Variants in MAP7 observed in about 807,000 individuals in gnomAD.
The protein encoded by MAP7 is ensconsin.
In MAP7, 52 loss-of-function variants were observed where a neutral mutation model predicts 94.8. The ratio of observed to expected loss-of-function variants is 0.55; its 90% CI spans 0.44 to 0.69. The LOEUF (loss-of-function observed/expected upper bound fraction) is 0.69. Among genes scored for constraint, MAP7 ranks in the 30% least tolerant of loss-of-function variants. MAP7 has a pLI of 0.00. For missense variants in MAP7, 940 were observed against 964.6 expected (o/e 0.97, Z 0.34); for synonymous variants, 350 against 357.0 (o/e 0.98, Z 0.22).
At chr6:136,534,563 C>T (rs1345012300) in intron 1 of MAP7, among the ~76,000 whole-genome samples, 1 of 152,212 alleles carries the variant, frequency 6.6e-6, no homozygotes. Context: ...CGAACGAAAG[C>T]ATGCCATTCA....
In MAP7 at chr6:136,365,753, C is replaced by A; in HGVS notation, c.1255G>T (p.Glu419Ter). ...EATVEERTPA[E>*]PEVGPAAPAM... ...CTCTTACCAGGGCCAACTTCTGGTT[C>A]AGCAGGTGTCCGCTCTTCAACTGTG... The change falls in exon 10 of 18, where the codon GAA becomes TAA. Residue 419 changes from glutamate to a stop codon, truncating the protein, a stop_gained. Coordinates refer to ENST00000354570, the MANE Select transcript of MAP7 (RefSeq NM_003980.6). LOFTEE classifies it high-confidence loss of function. 1 of 1,613,810 alleles carries A rather than the reference C, an allele frequency of 6.2e-7. No individual in the cohort carries two copies. The highest frequency in any genetic ancestry group is 8.5e-7 in the Non-Finnish European group (1 of 1,179,880).
intron 2 of MAP7, among the ~76,000 whole-genome samples, chr6:136,411,998 T>C (rs1787632736): frequency 6.6e-6 from 1 of 152,196 alleles, no homozygotes; most frequent in South Asian, 2.1e-4. Context: ...CTACCAAACT[T>C]CTATTATTTT....
intron 1 of MAP7, among the ~76,000 whole-genome samples, chr6:136,508,984 T>C (rs1357484984): frequency 6.6e-6 from 1 of 152,244 alleles, no homozygotes; most frequent in Non-Finnish European, 1.5e-5. Context: ...ACACATCACC[T>C]GAAATAGTAA....
intron 3 of MAP7, among the ~76,000 whole-genome samples, chr6:136,410,548 A>C (rs1027656293): frequency 6.6e-6 from 1 of 152,246 alleles, no homozygotes; most frequent in Non-Finnish European, 1.5e-5. Context: ...TAGGCACAGA[A>C]AAACAGCAGA....
chr6:136,516,734 T>C (rs1389890150), intron 1 of MAP7, among the ~76,000 whole-genome samples: 3 of 152,100 alleles, frequency 2.0e-5, no homozygotes, highest in South Asian at 4.1e-4. Flanking sequence ...ACAAGAAGTA[T>C]TGAAAGAAAA....
intron 1 of MAP7, among the ~76,000 whole-genome samples, chr6:136,432,979 A>G (rs541054196): frequency 6.6e-6 from 1 of 152,218 alleles, no homozygotes; most frequent in Admixed American, 6.5e-5. Flanking sequence ...GCCTCAAGTA[A>G]TCCTCCCACC....
intron 2 of MAP7, among the ~76,000 whole-genome samples, chr6:136,416,420 G>T (rs190376879): frequency 3.5e-4 from 54 of 152,252 alleles, no homozygotes; most frequent in African/African-American, 1.3e-3. Context: ...AGTAAATAGT[G>T]AATTTCCTAT....
intron 1 of MAP7, among the ~76,000 whole-genome samples, chr6:136,543,880 A>T (rs556789384): frequency 2.5e-4 from 38 of 152,238 alleles, no homozygotes; most frequent in Non-Finnish European, 5.1e-4. Context: ...AGTCAACAAA[A>T]CTAAAAAAAG....
intron 12 of MAP7, 61 bp from the exon 13 acceptor site, chr6:136,360,859 G>A: frequency 6.3e-7 from 1 of 1,590,224 alleles, no homozygotes; most frequent in South Asian, 1.1e-5. Flanking sequence ...GGTCTCCCAG[G>A]GGGTGCCCAG....
rs145438334 is a variant in MAP7, at chr6:136,525,249, A to G, written c.67+25093T>C. Among the ~76,000 whole-genome samples the G allele has an allele frequency of 4.4e-4, 67 of 152,332 alleles. 1 individual carries two copies. The East Asian group carries it at 0.013, about 29-fold the overall frequency. Reference sequence around the variant, plus strand: ...ACGAATTCAGTTATCATCAACAGTTATACAACCTCATGATCTCCTCCCTGC... The same window carrying G: ...ACGAATTCAGTTATCATCAACAGTTGTACAACCTCATGATCTCCTCCCTGC... On this transcript the variant is annotated intron_variant, in intron 1 of 17. Coordinates refer to ENST00000354570, the MANE Select transcript of MAP7 (RefSeq NM_003980.6).
intron 1 of MAP7, among the ~76,000 whole-genome samples, chr6:136,443,792 A>G (rs1027885201): frequency 6.6e-6 from 1 of 152,062 alleles, no homozygotes; most frequent in African/African-American, 2.4e-5. Context: ...CATCCTGAAC[A>G]TTATGTGGCT....
Position 136,362,641 on chromosome 6 carries a change from T to C in MAP7, c.1335A>G (p.Pro445=). Residue 445 remains proline (P), a synonymous_variant, in exon 11 of 18, where the codon CCA becomes CCG. Coordinates refer to ENST00000354570, the MANE Select transcript of MAP7 (RefSeq NM_003980.6). Reference sequence around the variant, plus strand: ...CCATGGCTGGGGTGGGGACCGGGGCTGGAGCTGGGGCCGAGGCTGGAGCTG... The same window carrying C: ...CCATGGCTGGGGTGGGGACCGGGGCCGGAGCTGGGGCCGAGGCTGGAGCTG... ...SAPAPASAPA[P]APVPTPAMVS... is the part of the protein sequence containing the mutation. The C allele has an allele frequency of 6.2e-7, 1 of 1,608,484 alleles. No homozygotes were observed. Among genetic ancestry groups the C allele is most frequent in the Non-Finnish European group, 8.5e-7 (1 of 1,177,756 alleles).
intron 1 of MAP7, among the ~76,000 whole-genome samples, chr6:136,495,064 A>G (rs554425304): frequency 5.9e-5 from 9 of 152,308 alleles, no homozygotes; most frequent in East Asian, 1.9e-4. Flanking sequence ...CAGAAGCTCT[A>G]CTTGGCCTCT....
chr6:136,377,987 AG>A, intron 6 of MAP7, 119 bp from the exon 7 acceptor site: 1 of 640,818 alleles, frequency 1.6e-6, no homozygotes, highest in South Asian at 2.1e-5. Flanking sequence ...CTCTGCAGGG[AG>A]GATGGTTGGC....
intron 1 of MAP7, chr6:136,526,479 G>A (rs1239769013): frequency 7.1e-6 from 7 of 985,642 alleles, no homozygotes; most frequent in African/African-American, 1.7e-5. Context: ...ATATGCTGCC[G>A]TTAACAGTTG....
At chr6:136,424,765 T>TC (rs1483143687) in intron 1 of MAP7, among the ~76,000 whole-genome samples, 3 of 152,366 alleles carry the variant, frequency 2.0e-5, no homozygotes, top group African/African-American at 7.2e-5. Context: ...AAATGACCTG[T>TC]CAATTTAGTC....
chr6:136,535,707 T>C (rs1004052991), intron 1 of MAP7, among the ~76,000 whole-genome samples: 1 of 148,650 alleles, frequency 6.7e-6, no homozygotes, highest in African/African-American at 2.4e-5. Context: ...TTAGAAGCTT[T>C]TTTTTTCTTT....
At chr6:136,396,047 G>A (rs142947597) in intron 3 of MAP7, among the ~76,000 whole-genome samples, 19 of 152,106 alleles carry the variant, frequency 1.2e-4, no homozygotes, top group Middle Eastern at 3.4e-3. Context: ...TGACTATTTG[G>A]GGTCTTCTGT....
intron 1 of MAP7, among the ~76,000 whole-genome samples, chr6:136,537,647 G>T (rs1828988078): frequency 6.6e-6 from 1 of 152,120 alleles, no homozygotes. Context: ...ATATTTCAAA[G>T]GTGGCATCAG....
Sources: gnomAD v4.1 joint callset for allele counts (sites outside exome capture counted in the v4.1 genomes callset) on GRCh38, gnomAD v4.1.1 for gene constraint, MANE v1.5 for transcripts, NCBI Gene and HGNC (gene_info 2026-07-23, HGNC 2026-07-21) for gene names.